The following SSBP2 variants were observed in gnomAD, a reference collection of about 807,000 sequenced individuals.
The protein encoded by SSBP2 is single stranded DNA binding protein 2.
A neutral mutation model predicts 61.8 loss-of-function variants in SSBP2; 17 were observed. The observed-to-expected ratio is 0.28, with a 90% CI of 0.19 to 0.41. The LOEUF is 0.41. Among genes scored for constraint, SSBP2 ranks in the 10% least tolerant of loss-of-function variants. The pLI is 1.00. For missense variants in SSBP2, 310 were observed against 458.7 expected (o/e 0.68, Z 2.96); for synonymous variants, 139 against 141.3 (o/e 0.98, Z 0.12).
intron 4 of SSBP2, among the ~76,000 whole-genome samples, chr5:81,554,207 T>C (rs528986707): frequency 6.6e-5 from 10 of 152,216 alleles, no homozygotes; most frequent in African/African-American, 2.2e-4. Context: ...GTCCCAACAA[T>C]GTGTAGACTT....
chr5:81,687,830 G>A (rs1334221113), intron 1 of SSBP2, among the ~76,000 whole-genome samples: 1 of 152,148 alleles, frequency 6.6e-6, no homozygotes, highest in Admixed American at 6.5e-5. Context: ...GAGCCCTTGG[G>A]GCCTGAATAA....
chr5:81,534,141 G>C (rs1180388384), intron 4 of SSBP2, among the ~76,000 whole-genome samples: 2 of 152,078 alleles, frequency 1.3e-5, no homozygotes, highest in African/African-American at 4.8e-5. Flanking sequence ...GAGGTCAACA[G>C]AGAAGCACTT....
At chr5:81,474,408 A>G in intron 7 of SSBP2, 88 bp downstream of exon 7, 1 of 1,152,450 alleles carries the variant, frequency 8.7e-7, no homozygotes, top group Non-Finnish European at 1.3e-6. Context: ...TAGGAGATTT[A>G]CTTATACAAA....
At chr5:81,564,610 G>A (rs1451802723) in intron 4 of SSBP2, among the ~76,000 whole-genome samples, 2 of 152,108 alleles carry the variant, frequency 1.3e-5, no homozygotes, top group African/African-American at 4.8e-5. Flanking sequence ...ATTATCTCAG[G>A]ACTGTGAACC....
chr5:81,593,561 G>A (rs1177225554), intron 4 of SSBP2, among the ~76,000 whole-genome samples: 8 of 152,156 alleles, frequency 5.3e-5, no homozygotes, highest in Admixed American at 5.2e-4. Context: ...AAGTTGAAAT[G>A]AAGGAAAAAA....
At chr5:81,597,855 T>C (rs1743937339) in intron 4 of SSBP2, among the ~76,000 whole-genome samples, 1 of 87,614 alleles carries the variant, frequency 1.1e-5, no homozygotes, top group Non-Finnish European at 2.1e-5. Context: ...CCAGGGACTG[T>C]TGTGGGGTGG....
At chr5:81,724,124 A>G (rs1755721278) in intron 1 of SSBP2, among the ~76,000 whole-genome samples, 1 of 152,082 alleles carries the variant, frequency 6.6e-6, no homozygotes, top group Non-Finnish European at 1.5e-5. Context: ...TTAAATCAAC[A>G]TATATTTATA....
intron 1 of SSBP2, among the ~76,000 whole-genome samples, chr5:81,670,818 A>G (rs907298361): frequency 6.6e-6 from 1 of 151,862 alleles, no homozygotes; most frequent in African/African-American, 2.4e-5. Flanking sequence ...TGTTTCCCCT[A>G]TTCCTTCCTT....
At chr5:81,481,420 G>C (rs774530554) in intron 6 of SSBP2, among the ~76,000 whole-genome samples, 1 of 151,864 alleles carries the variant, frequency 6.6e-6, no homozygotes, top group African/African-American at 2.4e-5. Flanking sequence ...TCAGGAGTTC[G>C]AGACCAGCCT....
intron 4 of SSBP2, among the ~76,000 whole-genome samples, chr5:81,532,973 G>C (rs1020002742): frequency 6.6e-6 from 1 of 151,822 alleles, no homozygotes; most frequent in Non-Finnish European, 1.5e-5. Flanking sequence ...CTCAACAACC[G>C]ATAGTAGACA....
At chr5:81,683,452 A>G (rs1353562981) in intron 1 of SSBP2, among the ~76,000 whole-genome samples, 2 of 152,196 alleles carry the variant, frequency 1.3e-5, no homozygotes, top group Admixed American at 1.3e-4. Context: ...ATCTAGACAC[A>G]TATCTTGTGC....
chr5:81,638,524 GAA>G (rs78795922), intron 2 of SSBP2, among the ~76,000 whole-genome samples: 2 of 140,312 alleles, frequency 1.4e-5, no homozygotes. Flanking sequence ...GTCTCAGAGG[GAA>G]AAAAAAAAAA....
intron 3 of SSBP2, among the ~76,000 whole-genome samples, chr5:81,628,756 G>T (rs1747420029): frequency 6.6e-6 from 1 of 152,120 alleles, no homozygotes; most frequent in South Asian, 2.1e-4. Flanking sequence ...TTAGAAACAA[G>T]GGAAAAAAGC....
chr5:81,453,632 A>G (rs1763933406), intron 10 of SSBP2, among the ~76,000 whole-genome samples: 1 of 151,376 alleles, frequency 6.6e-6, no homozygotes, highest in South Asian at 2.1e-4. Context: ...AATTTTTTGT[A>G]TTTTTAGTAG....
intron 12 of SSBP2, 67 bp downstream of exon 12, chr5:81,446,801 C>T: frequency 6.7e-7 from 1 of 1,489,400 alleles, no homozygotes; most frequent in Non-Finnish European, 9.2e-7. Flanking sequence ...ATTTCATGAA[C>T]AATTTCTATA....
At chr5:81,714,926 C>T (rs1321335959) in intron 1 of SSBP2, among the ~76,000 whole-genome samples, 1 of 151,386 alleles carries the variant, frequency 6.6e-6, no homozygotes, top group Non-Finnish European at 1.5e-5. Flanking sequence ...AGTGAAAGAA[C>T]TGGATTTTTT....
chr5:81,577,591 A>G (rs1352152959), intron 4 of SSBP2, among the ~76,000 whole-genome samples: 1 of 152,104 alleles, frequency 6.6e-6, no homozygotes, highest in Non-Finnish European at 1.5e-5. Context: ...TAGGATATAT[A>G]GTAAACTGCA....
chr5:81,436,692 T>A (rs1424624269), intron 15 of SSBP2, among the ~76,000 whole-genome samples: 1 of 152,186 alleles, frequency 6.6e-6, no homozygotes, highest in Non-Finnish European at 1.5e-5. Context: ...AGAGAATCAT[T>A]CTGGTGGTAG....
chr5:81,497,908 A>G (rs557111042), intron 5 of SSBP2, among the ~76,000 whole-genome samples: 48 of 152,248 alleles, frequency 3.2e-4, no homozygotes, highest in Middle Eastern at 3.4e-3. Flanking sequence ...TTTTGGAAGA[A>G]AAGTGTGGTA....
Sources: gnomAD v4.1 joint callset for allele counts (sites outside exome capture counted in the v4.1 genomes callset) on GRCh38, gnomAD v4.1.1 for gene constraint, MANE v1.5 for transcripts, NCBI Gene and HGNC (gene_info 2026-07-23, HGNC 2026-07-21) for gene names.